Variants in ZZEF1 observed in about 807,000 individuals in gnomAD.
ZZEF1 encodes zinc finger ZZ-type and EF-hand domain-containing protein 1.
Under a neutral mutation model 342.8 loss-of-function variants are expected in ZZEF1, and 157 were observed. The ratio of observed to expected loss-of-function variants is 0.46; its 90% CI spans 0.40 to 0.52. ZZEF1 has a LOEUF of 0.52. Ranked by LOEUF, ZZEF1 falls within the 20% of genes least tolerant of loss-of-function variation. The probability of loss-of-function intolerance (pLI) is 0.00; values close to 1 mark genes in which losing one functional copy is unlikely to be tolerated. For missense variants in ZZEF1, 3,480 were observed against 3,725.6 expected (o/e 0.93, Z 1.72); for synonymous variants, 1,505 against 1,429.1 (o/e 1.05, Z -1.20).
At chr17:4,083,937 TC>T (rs2057772290) in intron 16 of ZZEF1, among the ~76,000 whole-genome samples, 1 of 152,210 alleles carries the variant, frequency 6.6e-6, no homozygotes. Flanking sequence ...TTTAAATAAT[TC>T]TATTAGTTGC....
intron 51 of ZZEF1, 76 bp from the exon 52 acceptor site, chr17:4,013,690 C>T (rs956536380): frequency 1.9e-5 from 27 of 1,396,334 alleles, no homozygotes; most frequent in Middle Eastern, 1.9e-4. Context: ...TAAAGTATAA[C>T]AATTGTGTAC....
At position 4,006,632 on chromosome 17, in the gene ZZEF1, C is replaced by T; in HGVS notation, c.*258G>A. 1 of 519,110 alleles carries T rather than the reference C, an allele frequency of 1.9e-6. No homozygotes were observed. Among genetic ancestry groups the T allele is most frequent in the African/African-American group, 1.9e-5 (1 of 51,624 alleles). The allele number at this position is 519,110 out of a possible 1,614,324, so 32.2% of individuals were successfully genotyped here. A position where few individuals can be genotyped will look rare whatever the true frequency, so the allele number is the denominator to read the frequency against. On this transcript the variant is annotated 3_prime_UTR_variant, in exon 55 of 55. Transcript: ENST00000381638. ...CTCTGGAGAAGGCTGGTCTCTGAACCTTCTTAAGGGCCCCCTGCCCACCCT... is the reference window on the plus strand; with the variant it reads ...CTCTGGAGAAGGCTGGTCTCTGAACTTTCTTAAGGGCCCCCTGCCCACCCT...
rs2057652984 is a variant in ZZEF1 at position 4,077,897 on chromosome 17, T to C, written c.2975A>G (p.Asp992Gly). 2.5e-6 allele frequency: 4 copies of C among 1,613,988 alleles called. No homozygotes were observed. Among genetic ancestry groups the C allele is most frequent in the Non-Finnish European group, 2.5e-6 (3 of 1,179,982 alleles). Residue 992 changes from aspartate to glycine, a missense_variant, in exon 19 of 55, where the codon GAC becomes GGC. Coordinates refer to ENST00000381638, the MANE Select transcript of ZZEF1 (RefSeq NM_015113.4). ...TTGAAACTCACATTTTTCAATAAGG[T>C]CCACGGCAAGATCTTTGGCTCCAGA... ...TDSGAKDLAVDLIEKYVGQFL... is the reference protein window; with the variant it reads ...TDSGAKDLAVGLIEKYVGQFL...
At chr17:4,121,482 C>T (rs1355413092) in intron 2 of ZZEF1, among the ~76,000 whole-genome samples, 3 of 152,078 alleles carry the variant, frequency 2.0e-5, no homozygotes, top group Non-Finnish European at 4.4e-5. Flanking sequence ...AAAAATTAGC[C>T]GGACGTGGTG....
At chr17:4,116,901 C>T (rs762439214) in intron 3 of ZZEF1, 71 bp downstream of exon 3, 17 of 1,441,458 alleles carry the variant, frequency 1.2e-5, no homozygotes, top group Non-Finnish European at 1.6e-5. Flanking sequence ...AAAGAATTGG[C>T]TCATTTTACC....
At chr17:4,032,355 A>G in intron 41 of ZZEF1, 97 bp from the exon 42 acceptor site, 1 of 1,338,220 alleles carries the variant, frequency 7.5e-7, no homozygotes. Context: ...TGTGCCTCTG[A>G]TTTCAACAAG....
intron 53 of ZZEF1, 116 bp downstream of exon 53, chr17:4,009,488 C>A: frequency 7.0e-7 from 1 of 1,421,788 alleles, no homozygotes; most frequent in Non-Finnish European, 9.8e-7. Flanking sequence ...TCCTGTGTGG[C>A]CTGTCGAGAC....
At chr17:4,100,505 A>G (rs1272121458) in intron 9 of ZZEF1, among the ~76,000 whole-genome samples, 2 of 152,228 alleles carry the variant, frequency 1.3e-5, no homozygotes, top group Non-Finnish European at 2.9e-5. Flanking sequence ...ACACAGGGAA[A>G]ATAACAAAAT....
chr17:4,130,867 A>G (rs1269972114), intron 1 of ZZEF1, among the ~76,000 whole-genome samples: 1 of 152,194 alleles, frequency 6.6e-6, no homozygotes. Context: ...AGACTGAGGA[A>G]AAAGGGAAGT....
chr17:4,135,996 C>CT (rs59632245), intron 1 of ZZEF1, among the ~76,000 whole-genome samples: 63,898 of 125,422 alleles, frequency 0.51, 18,438 homozygotes, highest in East Asian at 0.8. Context: ...GATATTTTCT[C>CT]TTTTTTTTTT....
chr17:4,043,788 T>A (rs546167138), intron 38 of ZZEF1, among the ~76,000 whole-genome samples: 1 of 152,176 alleles, frequency 6.6e-6, no homozygotes, highest in Non-Finnish European at 1.5e-5. Flanking sequence ...GATCTCTTCC[T>A]CTCTAAAGCT....
chr17:4,028,214 T>C (rs935905442), intron 42 of ZZEF1, among the ~76,000 whole-genome samples: 2 of 152,164 alleles, frequency 1.3e-5, no homozygotes, highest in African/African-American at 4.8e-5. Context: ...TACTTCTATA[T>C]GACATAAATC....
At position 4,049,779 on chromosome 17, in the gene ZZEF1, G is replaced by A. The variant is rs1468353280; in HGVS notation, c.5944C>T (p.Pro1982Ser). The part of the protein sequence containing the change: ...LEDQALPVTV[P>S]TGASEEQLEK... ...AGCTGCTCCTCTGACGCTCCGGTGG[G>A]CACAGTGACTGGTAGGGCCTGATCT... is the stretch of plus-strand genomic sequence containing the variant. The change falls in exon 37 of 55, where the codon CCC becomes TCC. Residue 1982 changes from proline to serine, a missense_variant. Pro to Ser is a moderately conservative substitution (Grantham distance 74). Around this residue, in one of 5 missense-constraint regions of ZZEF1, gnomAD observed 1,269 missense variants for 1,342.4 expected, o/e 0.95. Transcript: ENST00000381638. 1 of 1,614,134 alleles carries A rather than the reference G, an allele frequency of 6.2e-7. No homozygotes were observed. Among genetic ancestry groups the A allele is most frequent in the Non-Finnish European group, 8.5e-7 (1 of 1,180,008 alleles).
chr17:4,138,870 T>C (rs1236695718), intron 1 of ZZEF1, among the ~76,000 whole-genome samples: 2 of 152,252 alleles, frequency 1.3e-5, no homozygotes, highest in African/African-American at 4.8e-5. Flanking sequence ...TATTGCTCCT[T>C]GTGAGCAAAC....
At chr17:4,099,371 C>G (rs111981960) in intron 9 of ZZEF1, among the ~76,000 whole-genome samples, 2 of 152,186 alleles carry the variant, frequency 1.3e-5, no homozygotes, top group African/African-American at 4.8e-5. Context: ...GCAAACACCA[C>G]CATGCCCAGC....
chr17:4,095,219 C>A (rs1253890129), intron 11 of ZZEF1, among the ~76,000 whole-genome samples: 2 of 152,162 alleles, frequency 1.3e-5, no homozygotes, highest in African/African-American at 4.8e-5. Context: ...AGTGGCCGAT[C>A]AACTCCAACT....
intron 43 of ZZEF1, among the ~76,000 whole-genome samples, 180 bp downstream of exon 43, chr17:4,024,739 A>G (rs1368109379): frequency 6.6e-6 from 1 of 152,258 alleles, no homozygotes; most frequent in Non-Finnish European, 1.5e-5. Flanking sequence ...AGAAGCCATC[A>G]GGAAAATTGT....
intron 38 of ZZEF1, among the ~76,000 whole-genome samples, chr17:4,043,138 C>T (rs2056838558): frequency 6.6e-6 from 1 of 152,208 alleles, no homozygotes; most frequent in Admixed American, 6.5e-5. Context: ...CTCTGCTGTG[C>T]TCACAGCATT....
intron 35 of ZZEF1, 141 bp from the exon 36 acceptor site, chr17:4,051,184 G>C: frequency 1.8e-6 from 2 of 1,082,830 alleles, no homozygotes; most frequent in Non-Finnish European, 2.7e-6. Flanking sequence ...AAAATGTAAA[G>C]AAAGGTGTGG....
Sources: allele counts gnomAD v4.1 joint callset (sites outside exome capture counted in the v4.1 genomes callset), GRCh38; gene constraint gnomAD v4.1.1; regional missense constraint gnomAD v4.1.1; transcripts MANE v1.5; gene names NCBI Gene and HGNC (gene_info 2026-07-23, HGNC 2026-07-21).